Variants in LRRIQ1 observed in about 807,000 individuals in gnomAD.
LRRIQ1 encodes leucine-rich repeat- and IQ domain-containing protein 1.
LRRIQ1 carries 210 observed loss-of-function variants against 211.9 expected under a neutral mutation model. The ratio of observed to expected loss-of-function variants is 0.99; its 90% CI spans 0.89 to 1.11. LRRIQ1 has a LOEUF of 1.11. LRRIQ1 is among the 50% of genes most tolerant of loss of function. The pLI is 0.00. For missense variants in LRRIQ1, 2,136 were observed against 1,939.5 expected, an observed-to-expected ratio of 1.10 and a Z score of -1.90; for synonymous variants, 699 against 650.1, an observed-to-expected ratio of 1.08 and a Z score of -1.14.
At chr12:85,040,139 TTTGA>T (rs1310401902) in intron 2 of LRRIQ1, among the ~76,000 whole-genome samples, 1 of 151,584 alleles carries the variant, frequency 6.6e-6, no homozygotes, top group Non-Finnish European at 1.5e-5. Flanking sequence ...ATCTTGCAGT[TTTGA>T]TTAATATTTG....
exon 2 of LRRIQ1, chr12:85,263,881 T>A (rs551513735): frequency 6.6e-6 from 1 of 152,038 alleles, no homozygotes; most frequent in East Asian, 1.9e-4. Context: ...AAAGTCTTAC[T>A]GTTGTGTGAT....
intron 1 of LRRIQ1, among the ~76,000 whole-genome samples, chr12:85,262,344 A>G (rs965733459): frequency 6.6e-6 from 1 of 152,078 alleles, no homozygotes; most frequent in African/African-American, 2.4e-5. Flanking sequence ...TCTCTCATTT[A>G]TAAAACTGAT....
At chr12:85,101,293 T>C (rs116388434) in intron 13 of LRRIQ1, among the ~76,000 whole-genome samples, 4,174 of 151,944 alleles carry the variant, frequency 0.027, 190 homozygotes, top group African/African-American at 0.095. Context: ...GAAATACTTG[T>C]TTCATCCTGA....
At chr12:85,115,624 G>A (rs930472059) in intron 15 of LRRIQ1, among the ~76,000 whole-genome samples, 3 of 152,104 alleles carry the variant, frequency 2.0e-5, no homozygotes, top group Middle Eastern at 3.4e-3. Context: ...TGAAATATTG[G>A]ATGTAATATT....
chr12:85,195,289 T>G (rs932069758), intron 24 of LRRIQ1, among the ~76,000 whole-genome samples: 12 of 151,474 alleles, frequency 7.9e-5, no homozygotes, highest in African/African-American at 2.7e-4. Context: ...TTCCAATCAA[T>G]AGAAAAAGAG....
intron 24 of LRRIQ1, among the ~76,000 whole-genome samples, chr12:85,197,401 C>T (rs1429225728): frequency 6.6e-6 from 1 of 151,584 alleles, no homozygotes. Flanking sequence ...CGGCATTATT[C>T]ACAATAGCAA....
chr12:85,197,242 A>AGTTCAACCATT (rs1260680677), intron 24 of LRRIQ1, among the ~76,000 whole-genome samples: 1 of 151,750 alleles, frequency 6.6e-6, no homozygotes, highest in Non-Finnish European at 1.5e-5. Flanking sequence ...ACTTTAAACT[A>AGTTCAACCATT]GTTCAACCAT....
At chr12:85,165,246 A>C (rs1006638065) in intron 24 of LRRIQ1, among the ~76,000 whole-genome samples, 3 of 152,024 alleles carry the variant, frequency 2.0e-5, no homozygotes, top group Non-Finnish European at 1.5e-5. Flanking sequence ...CCAGATAAAG[A>C]GCATAGTAAC....
chr12:85,045,094 T>G (rs1392868985), intron 4 of LRRIQ1, among the ~76,000 whole-genome samples: 1 of 151,980 alleles, frequency 6.6e-6, no homozygotes, highest in Non-Finnish European at 1.5e-5. Flanking sequence ...ACACAAATTT[T>G]GTTGTCTAAA....
At position 85,066,850 on chromosome 12, in the gene LRRIQ1, A is replaced by G. The variant is rs1313645826; in HGVS notation, c.2647A>G (p.Thr883Ala). 4 of 1,578,724 alleles carry G rather than the reference A, an allele frequency of 2.5e-6. No individual in the cohort carries two copies. The highest frequency in any genetic ancestry group is 3.5e-6 in the Non-Finnish European group (4 of 1,156,036). The change falls in exon 10 of 27, where the codon ACT becomes GCT. Residue 883 changes from threonine (T) to alanine (A), a missense_variant. Physicochemically the swap from Thr to Ala is moderately conservative, Grantham distance 58. Coordinates refer to ENST00000393217, the MANE Select transcript of LRRIQ1 (RefSeq NM_001079910.2). ...LTSLHGLDGCTNIQCLELSYN... is the reference protein window; with the variant it reads ...LTSLHGLDGCANIQCLELSYN... The stretch of plus-strand genomic sequence containing the variant: ...TTCTCTTCATGGTTTGGATGGCTGT[A>G]CTAATATTCAGTGTCTTGAACTTTC...
chr12:85,043,529 T>C (rs1029260956), intron 3 of LRRIQ1, among the ~76,000 whole-genome samples: 1 of 152,112 alleles, frequency 6.6e-6, no homozygotes, highest in Non-Finnish European at 1.5e-5. Flanking sequence ...TCAGACATCA[T>C]GCGTCATTTC....
At chr12:85,139,967 A>C (rs561974222) in intron 19 of LRRIQ1, among the ~76,000 whole-genome samples, 2 of 151,048 alleles carry the variant, frequency 1.3e-5, no homozygotes. Flanking sequence ...CTTTCTTCAC[A>C]TTCTTGGTAA....
intron 1 of LRRIQ1, among the ~76,000 whole-genome samples, chr12:85,253,720 A>G (rs1428650523): frequency 6.6e-6 from 1 of 152,094 alleles, no homozygotes; most frequent in Non-Finnish European, 1.5e-5. Flanking sequence ...ATGGACACAC[A>G]CACACAGAAC....
intron 24 of LRRIQ1, among the ~76,000 whole-genome samples, chr12:85,217,232 A>G (rs12320670): frequency 0.48 from 72,181 of 150,574 alleles, 21,312 homozygotes; most frequent in African/African-American, 0.84. Flanking sequence ...TATGTGCTAT[A>G]AGCATTTCTG....
intron 19 of LRRIQ1, among the ~76,000 whole-genome samples, chr12:85,140,168 A>G (rs1448700194): frequency 6.6e-6 from 1 of 151,364 alleles, no homozygotes; most frequent in Non-Finnish European, 1.5e-5. Flanking sequence ...GTTTTTGAAA[A>G]TATTGAGTAA....
intron 24 of LRRIQ1, among the ~76,000 whole-genome samples, chr12:85,180,116 TCA>T (rs1446427136): frequency 6.6e-6 from 1 of 151,946 alleles, no homozygotes; most frequent in East Asian, 1.9e-4. Flanking sequence ...CATTCAGTGT[TCA>T]CATTCAAGCT....
downstream of LRRIQ1, chr12:85,245,206 G>C: frequency 3.0e-6 from 1 of 337,320 alleles, no homozygotes; most frequent in Admixed American, 5.1e-5. Flanking sequence ...AATTCTAAAA[G>C]AATTTTTTAG....
intron 14 of LRRIQ1, among the ~76,000 whole-genome samples, chr12:85,104,420 T>C (rs1244172946): frequency 6.6e-6 from 1 of 151,920 alleles, no homozygotes; most frequent in Non-Finnish European, 1.5e-5. Flanking sequence ...TAAAGAATCA[T>C]GACTTGAATT....
At chr12:85,134,306 T>C (rs967222267) in intron 18 of LRRIQ1, among the ~76,000 whole-genome samples, 1 of 152,126 alleles carries the variant, frequency 6.6e-6, no homozygotes, top group Non-Finnish European at 1.5e-5. Context: ...TAGGATACCC[T>C]ATTTAAAATA....
Sources: allele counts gnomAD v4.1 joint callset (sites outside exome capture counted in the v4.1 genomes callset), GRCh38; gene constraint gnomAD v4.1.1; transcripts MANE v1.5; gene names NCBI Gene and HGNC (gene_info 2026-07-23, HGNC 2026-07-21).